MSRA: variants seen among roughly 807,000 people sequenced by gnomAD.
MSRA encodes the protein methionine sulfoxide reductase A.
Under a neutral mutation model 31.3 loss-of-function variants are expected in MSRA, and 54 were observed. The ratio of observed to expected loss-of-function variants is 1.73; its 90% confidence interval spans 1.39 to 2.17. The LOEUF (loss-of-function observed/expected upper bound fraction) is 2.17. Among genes scored for constraint, MSRA ranks in the 30% most tolerant of loss-of-function variants. MSRA has a pLI of 0.00. For missense variants in MSRA, 507 were observed against 300.9 expected (o/e 1.69, Z -5.07); for synonymous variants, 169 against 116.5 (o/e 1.45, Z -2.90).
intron 1 of MSRA, among the ~76,000 whole-genome samples, chr8:10,102,109 T>A (rs1002908323): frequency 6.6e-6 from 1 of 152,206 alleles, no homozygotes; most frequent in African/African-American, 2.4e-5. Context: ...TGTGCCTTTT[T>A]GTGGATTTCT....
At chr8:10,087,896 C>T (rs1436432732) in intron 1 of MSRA, among the ~76,000 whole-genome samples, 1 of 152,192 alleles carries the variant, frequency 6.6e-6, no homozygotes, top group Non-Finnish European at 1.5e-5. Context: ...AAACCTCATA[C>T]ATATAAATCA....
chr8:10,285,031 A>AC (rs1329424997), intron 3 of MSRA, among the ~76,000 whole-genome samples: 1 of 151,442 alleles, frequency 6.6e-6, no homozygotes, highest in African/African-American at 2.4e-5. Context: ...TTCTTTAAAA[A>AC]AAAAAAAAGC....
chr8:10,319,239 G>C (rs2129137408), intron 4 of MSRA, among the ~76,000 whole-genome samples: 1 of 152,250 alleles, frequency 6.6e-6, no homozygotes, highest in South Asian at 2.1e-4. Flanking sequence ...ACCACAACAT[G>C]GTGGCCTACA....
intron 2 of MSRA, among the ~76,000 whole-genome samples, chr8:10,241,553 C>A (rs1363233359): frequency 1.3e-5 from 2 of 152,078 alleles, no homozygotes; most frequent in African/African-American, 4.8e-5. Context: ...TGAATTGTAC[C>A]ACTGAGTAAC....
intron 5 of MSRA, among the ~76,000 whole-genome samples, chr8:10,328,027 A>ATTTTTTTTTTTTTTTTTTTTTTTTTT (rs35940076): frequency 4.6e-5 from 3 of 65,310 alleles, no homozygotes; most frequent in African/African-American, 7.1e-5. Flanking sequence ...CTCTATGGTA[A>ATTTTTTTTTTTTTTTTTTTTTTTTTT]TTTTTTTTTT....
intron 5 of MSRA, among the ~76,000 whole-genome samples, chr8:10,421,827 C>G (rs552296413): frequency 6.6e-6 from 1 of 152,124 alleles, no homozygotes; most frequent in Non-Finnish European, 1.5e-5. Context: ...CATGCCTACC[C>G]GCCTTCCTGC....
intron 1 of MSRA, among the ~76,000 whole-genome samples, chr8:10,068,026 G>T (rs1797549073): frequency 6.6e-6 from 1 of 151,922 alleles, no homozygotes; most frequent in South Asian, 2.1e-4. Context: ...TGGGACTACA[G>T]GCATGTGCCA....
At chr8:10,397,959 T>G (rs189198025) in intron 5 of MSRA, among the ~76,000 whole-genome samples, 4 of 152,312 alleles carry the variant, frequency 2.6e-5, no homozygotes, top group Non-Finnish European at 4.4e-5. Flanking sequence ...GTGAAAAGCC[T>G]TGAACTTGGG....
chr8:10,235,213 C>G (rs1056885182), intron 2 of MSRA, among the ~76,000 whole-genome samples: 3 of 152,016 alleles, frequency 2.0e-5, no homozygotes, highest in South Asian at 4.1e-4. Context: ...TAATGAAGAC[C>G]ACATTCTCTA....
At chr8:10,282,748 C>G (rs987977505) in intron 3 of MSRA, among the ~76,000 whole-genome samples, 2 of 152,196 alleles carry the variant, frequency 1.3e-5, no homozygotes, top group African/African-American at 4.8e-5. Context: ...GCTAAGTAAT[C>G]TTGAAAATAT....
intron 5 of MSRA, among the ~76,000 whole-genome samples, chr8:10,426,815 C>T (rs534208636): frequency 6.6e-6 from 1 of 152,186 alleles, no homozygotes; most frequent in Non-Finnish European, 1.5e-5. Flanking sequence ...ATGGTAGACC[C>T]TCAATAATTG....
chr8:10,365,377 T>C (rs1318219897), intron 5 of MSRA, among the ~76,000 whole-genome samples: 1 of 152,210 alleles, frequency 6.6e-6, no homozygotes, highest in South Asian at 2.1e-4. Context: ...GCCAGCCATC[T>C]GCCATCCAAA....
intron 5 of MSRA, among the ~76,000 whole-genome samples, chr8:10,372,985 G>C (rs1448889312): frequency 6.6e-6 from 1 of 152,206 alleles, no homozygotes; most frequent in African/African-American, 2.4e-5. Flanking sequence ...CGCCTCTGAG[G>C]TTCAAGAGAT....
intron 3 of MSRA, among the ~76,000 whole-genome samples, chr8:10,265,655 G>A (rs1286222792): frequency 6.6e-6 from 1 of 152,172 alleles, no homozygotes; most frequent in African/African-American, 2.4e-5. Flanking sequence ...AACAGTATAC[G>A]TTTTGACATA....
intron 5 of MSRA, among the ~76,000 whole-genome samples, chr8:10,366,425 C>T (rs1459946574): frequency 6.6e-6 from 1 of 152,240 alleles, no homozygotes; most frequent in East Asian, 1.9e-4. Flanking sequence ...TGTGCAGGCT[C>T]TCTGGAATTT....
chr8:10,376,671 C>CT (rs1276699046), intron 5 of MSRA, among the ~76,000 whole-genome samples: 1 of 152,156 alleles, frequency 6.6e-6, no homozygotes, highest in Non-Finnish European at 1.5e-5. Flanking sequence ...CTATTTTTAA[C>CT]TTTTTTGGAG....
chr8:10,174,943 C>G (rs117893595), intron 1 of MSRA, among the ~76,000 whole-genome samples: 1 of 152,216 alleles, frequency 6.6e-6, no homozygotes, highest in African/African-American at 2.4e-5. Context: ...ACAGCCTTGC[C>G]GATCTTGCCC....
At chr8:10,091,567 G>T (rs1038205866) in intron 1 of MSRA, among the ~76,000 whole-genome samples, 1 of 151,380 alleles carries the variant, frequency 6.6e-6, no homozygotes, top group Non-Finnish European at 1.5e-5. Flanking sequence ...CATTTTCTTT[G>T]GATATATGCT....
rs562069103 is a variant in MSRA, at chr8:10,299,162, A to G, written c.332-2372A>G. Among the ~76,000 whole-genome samples, 39 of 152,250 alleles carry G rather than the reference A, an allele frequency of 2.6e-4. No individual in the cohort carries two copies. The South Asian group carries it at 6.2e-3, about 24-fold the overall frequency. On this transcript the variant is annotated intron_variant, in intron 3 of 5. Transcript: ENST00000317173. ...ATCACTAAAAATGTTGGCATTTTGC[A>G]TGTCTCAATTTACATGTATTTCTTC...
Sources: gnomAD v4.1 joint callset for allele counts (sites outside exome capture counted in the v4.1 genomes callset) on GRCh38, gnomAD v4.1.1 for gene constraint, MANE v1.5 for transcripts, NCBI Gene and HGNC (gene_info 2026-07-23, HGNC 2026-07-21) for gene names.